ARHGEF4: variants seen among roughly 807,000 people sequenced by gnomAD.
The protein encoded by ARHGEF4 is APC-stimulated guanine nucleotide exchange factor 1.
A neutral mutation model predicts 162.0 loss-of-function variants in ARHGEF4; 119 were observed. That is an observed-to-expected ratio of 0.73 (90% CI 0.63 to 0.86). ARHGEF4 has a LOEUF of 0.86. ARHGEF4 is among the 40% of genes least tolerant of loss of function. ARHGEF4 has a pLI of 0.00. For missense variants in ARHGEF4, 2,488 were observed against 2,456.0 expected (o/e 1.01, Z -0.28); for synonymous variants, 1,014 against 979.9 (o/e 1.03, Z -0.65).
At position 131,007,897 on chromosome 2, in the gene ARHGEF4, C is replaced by T. The variant is rs537509334; in HGVS notation, c.3986-20048C>T. On this transcript the variant is annotated intron_variant, in intron 4 of 13. Coordinates refer to ENST00000409359, the MANE Select transcript of ARHGEF4 (RefSeq NM_001367493.1). Reference sequence around the variant, plus strand: ...CACGATCTCAGCTCACTGCAACCTCCGCTTCCCAGGTTCAAGTGATTCTCA... The same window carrying T: ...CACGATCTCAGCTCACTGCAACCTCTGCTTCCCAGGTTCAAGTGATTCTCA... 9.6e-4 allele frequency among the ~76,000 whole-genome samples: 143 copies of T among 149,394 alleles called. 3 individuals carry two copies. Among genetic ancestry groups the T allele is most frequent in the South Asian group, 6.4e-3 (30 of 4,680 alleles).
chr2:130,951,216 C>G (rs566072840), intron 4 of ARHGEF4, among the ~76,000 whole-genome samples: 2 of 152,318 alleles, frequency 1.3e-5, no homozygotes, highest in East Asian at 3.9e-4. Context: ...ACTGGAGTAG[C>G]ACTTTTCATT....
intron 1 of ARHGEF4, among the ~76,000 whole-genome samples, chr2:130,880,275 T>C (rs16856253): frequency 0.017 from 2,624 of 152,278 alleles, 79 homozygotes; most frequent in African/African-American, 0.059. Context: ...TCATTACCGA[T>C]GTTACCCAGC....
At chr2:131,011,168 T>C (rs949562056) in intron 4 of ARHGEF4, among the ~76,000 whole-genome samples, 1 of 152,236 alleles carries the variant, frequency 6.6e-6, no homozygotes, top group Non-Finnish European at 1.5e-5. Context: ...AAAATGTTTG[T>C]TGAACCTGAA....
At chr2:130,913,789 T>G (rs1163687813) in intron 1 of ARHGEF4, among the ~76,000 whole-genome samples, 197 bp from the exon 2 acceptor site, 1 of 152,216 alleles carries the variant, frequency 6.6e-6, no homozygotes, top group Non-Finnish European at 1.5e-5. Context: ...TCCCTACTGA[T>G]TGGGTTTGGC....
Position 130,916,594 on chromosome 2 carries a change from T to C in ARHGEF4, c.2648T>C (p.Leu883Pro), listed in dbSNP as rs2105058288. The C allele has an allele frequency of 1.3e-6, 2 of 1,550,512 alleles. No individual in the cohort carries two copies. The highest frequency in any genetic ancestry group is 2.4e-5 in the East Asian group (1 of 40,904). ...GAGHTGTSGD[L>P]GSRGPSSESC... ...GGGCACACGGGGACCTCAGGGGATCTTGGTAGCCGAGGGCCTTCCTCTGAG... is the reference window on the plus strand; with the variant it reads ...GGGCACACGGGGACCTCAGGGGATCCTGGTAGCCGAGGGCCTTCCTCTGAG... The change falls in exon 2 of 14, where the codon CTT (leucine) becomes CCT (proline). Residue 883 changes from leucine (L) to proline (P), a missense_variant. Around this residue, in one of 6 missense-constraint regions of ARHGEF4, gnomAD observed 1,642 missense variants for 1,481.5 expected, o/e 1.11. Coordinates refer to ENST00000409359, the MANE Select transcript of ARHGEF4 (RefSeq NM_001367493.1).
chr2:130,876,599 A>G (rs1161140096), intron 1 of ARHGEF4, among the ~76,000 whole-genome samples: 2 of 152,098 alleles, frequency 1.3e-5, no homozygotes, highest in Non-Finnish European at 2.9e-5. Flanking sequence ...TCACCATGTT[A>G]GCCAGGATGG....
At chr2:131,002,241 T>G (rs1687816809) in intron 4 of ARHGEF4, among the ~76,000 whole-genome samples, 1 of 152,158 alleles carries the variant, frequency 6.6e-6, no homozygotes, top group African/African-American at 2.4e-5. Flanking sequence ...TTGAAAAGAT[T>G]AATATGTAGC....
chr2:130,926,074 CTTTG>C lies in ARHGEF4; in HGVS notation c.3553-4877_3553-4874del, dbSNP rs1426118138. 1.0e-3 allele frequency among the ~76,000 whole-genome samples: 130 copies of C among 127,218 alleles called. 2 individuals are homozygous for C. The highest frequency in any genetic ancestry group is 3.2e-3 in the Admixed American group (41 of 12,782). 83.5% of individuals were successfully genotyped at this position (127,218 alleles called of 152,430 possible). On this transcript the variant is annotated intron_variant, in intron 2 of 13. Coordinates refer to ENST00000409359, the MANE Select transcript of ARHGEF4 (RefSeq NM_001367493.1). ...TCTTTCTTTCTTTCTTTCTTTCTTT[CTTTG>C]GTCTGTTTTCTCTCTGTTGTTCAGA...
intron 1 of ARHGEF4, among the ~76,000 whole-genome samples, chr2:130,842,952 G>A (rs935970826): frequency 5.9e-5 from 9 of 152,136 alleles, no homozygotes; most frequent in African/African-American, 1.9e-4. Flanking sequence ...GGGCTGCCCC[G>A]GGTGTGGGCT....
chr2:130,837,621 C>G (rs1316179602), intron 1 of ARHGEF4: 2 of 451,538 alleles, frequency 4.4e-6, no homozygotes, highest in Non-Finnish European at 8.9e-6. Context: ...GCTGCCCCCA[C>G]AGGAACCCCA....
rs958939144 is a variant in ARHGEF4 at position 130,944,849 on chromosome 2, T to C, written c.3859-1660T>C. Among the ~76,000 whole-genome samples, 3 of 152,356 alleles carry C rather than the reference T, an allele frequency of 2.0e-5. No individual in the cohort carries two copies. The East Asian group carries it at 5.8e-4, about 29-fold the overall frequency. On this transcript the variant is annotated intron_variant, in intron 3 of 13. Coordinates refer to ENST00000409359, the MANE Select transcript of ARHGEF4 (RefSeq NM_001367493.1). ...TGTATTCTGGGCATCTTAAATGTTA[T>C]GTTATGAGACTCTGGGCCTTGTTTA...
At chr2:130,871,157 C>G (rs543639522) in intron 1 of ARHGEF4, among the ~76,000 whole-genome samples, 22 of 152,332 alleles carry the variant, frequency 1.4e-4, no homozygotes, top group African/African-American at 5.1e-4. Context: ...TCAGCTCTCT[C>G]AACCCCACAA....
intron 1 of ARHGEF4, among the ~76,000 whole-genome samples, chr2:130,912,156 C>T (rs1681226719): frequency 6.6e-6 from 1 of 152,250 alleles, no homozygotes. Context: ...TGCAGTTGCA[C>T]AGTTCTCTGT....
chr2:131,020,603 TG>T (rs1252987152), intron 4 of ARHGEF4, among the ~76,000 whole-genome samples: 1 of 152,224 alleles, frequency 6.6e-6, no homozygotes, highest in Admixed American at 6.5e-5. Context: ...GTTGGACATT[TG>T]GGTTGGTTCC....
chr2:130,946,664 T>C lies in ARHGEF4; in HGVS notation c.3985+29T>C, dbSNP rs747930947. 8.1e-6 allele frequency: 13 copies of C among 1,612,912 alleles called. No homozygotes were observed. In the Middle Eastern group the frequency reaches 5.0e-4, roughly 62 times the overall value. ...AGTTACGCGCCTCTCTCTTTTGCTA[T>C]GTACTCTGGATCCTGGCATGAAGGA... On this transcript the variant is annotated intron_variant, in intron 4 of 13. Coordinates refer to ENST00000409359, the MANE Select transcript of ARHGEF4 (RefSeq NM_001367493.1).
chr2:130,865,501 C>G (rs1682207853), intron 1 of ARHGEF4, among the ~76,000 whole-genome samples: 1 of 152,166 alleles, frequency 6.6e-6, no homozygotes, highest in Non-Finnish European at 1.5e-5. Flanking sequence ...GGTTGTGTCA[C>G]CTCCTCCTCC....
At chr2:130,854,356 C>T (rs1681609981) in intron 1 of ARHGEF4, among the ~76,000 whole-genome samples, 1 of 152,146 alleles carries the variant, frequency 6.6e-6, no homozygotes, top group South Asian at 2.1e-4. Context: ...CTGAGGTCAT[C>T]ACGCCCCACC....
intron 1 of ARHGEF4, among the ~76,000 whole-genome samples, chr2:130,871,223 A>G (rs1678457654): frequency 6.6e-6 from 1 of 152,186 alleles, no homozygotes; most frequent in Non-Finnish European, 1.5e-5. Flanking sequence ...GAGCTTTAAA[A>G]TGCTCATTAA....
At position 130,971,896 on chromosome 2, in the gene ARHGEF4, A is replaced by G. The variant is rs1037110892; in HGVS notation, c.3985+25261A>G. Among the ~76,000 whole-genome samples, 39 of 152,274 alleles carry G rather than the reference A, an allele frequency of 2.6e-4. 1 individual carries two copies. Among genetic ancestry groups the G allele is most frequent in the African/African-American group, 8.7e-4 (36 of 41,566 alleles). On this transcript the variant is annotated intron_variant, in intron 4 of 13. Transcript: ENST00000409359. Reference sequence around the variant, plus strand: ...AATTCTTCTCTTCTCGACGTTTCCAATATATTTTCAAGTTCCTGGGTCTGC... The same window carrying G: ...AATTCTTCTCTTCTCGACGTTTCCAGTATATTTTCAAGTTCCTGGGTCTGC...
Sources: allele counts gnomAD v4.1 joint callset (sites outside exome capture counted in the v4.1 genomes callset), GRCh38; gene constraint gnomAD v4.1.1; regional missense constraint gnomAD v4.1.1; transcripts MANE v1.5; gene names NCBI Gene and HGNC (gene_info 2026-07-23, HGNC 2026-07-21).